Variants in VRK3 observed in about 807,000 individuals in gnomAD.
The protein encoded by VRK3 is VRK serine/threonine kinase 3.
A neutral mutation model predicts 60.4 loss-of-function variants in VRK3; 50 were observed. That is an observed-to-expected ratio of 0.83 (90% confidence interval 0.66 to 1.05). The LOEUF (loss-of-function observed/expected upper bound fraction) is 1.05, where lower values mean the gene tolerates loss of function less well. Ranked by LOEUF, VRK3 falls within the 50% of genes least tolerant of loss-of-function variation. The probability of loss-of-function intolerance (pLI) is 0.00; values close to 1 mark genes in which losing one functional copy is unlikely to be tolerated. For missense variants in VRK3, 549 were observed against 585.3 expected (o/e 0.94, Z 0.64); for synonymous variants, 246 against 227.8 (o/e 1.08, Z -0.72).
intron 5 of VRK3, among the ~76,000 whole-genome samples, chr19:50,005,448 C>T (rs1228762932): frequency 6.7e-6 from 1 of 149,626 alleles, no homozygotes; most frequent in Non-Finnish European, 1.5e-5. Context: ...GAGCCCAGAG[C>T]CTAATAATTC....
At chr19:50,010,120 C>T (rs10416613) in intron 3 of VRK3, among the ~76,000 whole-genome samples, 7,944 of 152,052 alleles carry the variant, frequency 0.052, 687 homozygotes, top group African/African-American at 0.18. Context: ...CACACATACA[C>T]ATATATACAT....
chr19:49,993,021 C>A, intron 9 of VRK3, 69 bp from the exon 10 acceptor site: 3 of 1,180,466 alleles, frequency 2.5e-6, no homozygotes, highest in Non-Finnish European at 3.5e-6. Flanking sequence ...TGGTGCAGAC[C>A]AGGAGGGAGC....
intron 9 of VRK3, 52 bp downstream of exon 9, chr19:49,994,762 G>A: frequency 6.6e-7 from 1 of 1,519,814 alleles, no homozygotes; most frequent in Non-Finnish European, 9.1e-7. Context: ...GCTAAACTAG[G>A]ATGTGATGTG....
chr19:50,020,675 G>A (rs2077157300), intron 1 of VRK3, 28 bp from the exon 2 acceptor site: 1 of 152,264 alleles, frequency 6.6e-6, no homozygotes, highest in South Asian at 2.1e-4. Context: ...TGGAGAGGCT[G>A]ACTCATGCTT....
intron 10 of VRK3, among the ~76,000 whole-genome samples, chr19:49,992,227 G>C (rs1350066062): frequency 6.6e-6 from 1 of 152,188 alleles, no homozygotes; most frequent in East Asian, 1.9e-4. Context: ...GACCAACATG[G>C]AGAAACCCCA....
chr19:49,978,061 G>C (rs1194614154), intron 14 of VRK3, among the ~76,000 whole-genome samples: 1 of 151,986 alleles, frequency 6.6e-6, no homozygotes, highest in Non-Finnish European at 1.5e-5. Flanking sequence ...TGCTGTTCAA[G>C]ATGCCCTGCG....
intron 3 of VRK3, among the ~76,000 whole-genome samples, chr19:50,014,693 G>A (rs1015275009): frequency 1.3e-5 from 2 of 152,184 alleles, no homozygotes; most frequent in Non-Finnish European, 2.9e-5. Flanking sequence ...AGGCCCAGGC[G>A]TGCTGAGGTG....
At chr19:49,988,247 A>G in intron 12 of VRK3, 125 bp downstream of exon 12, 1 of 1,429,454 alleles carries the variant, frequency 7.0e-7, no homozygotes, top group Non-Finnish European at 9.4e-7. Context: ...TGCGGCTCAG[A>G]GGACTTGGGC....
At chr19:49,986,122 C>T (rs1349220669) in intron 12 of VRK3, among the ~76,000 whole-genome samples, 1 of 152,216 alleles carries the variant, frequency 6.6e-6, no homozygotes, top group Non-Finnish European at 1.5e-5. Flanking sequence ...GGATGAAATT[C>T]TGGGCATGGT....
intron 12 of VRK3, chr19:49,981,997 C>T: frequency 1.6e-6 from 1 of 641,444 alleles, no homozygotes; most frequent in Non-Finnish European, 2.8e-6. Flanking sequence ...GCGGGGCCGT[C>T]AAGTAGGCTG....
chr19:49,999,744 T>G (rs1365530249), intron 6 of VRK3: 8 of 152,248 alleles, frequency 5.3e-5, no homozygotes, highest in Admixed American at 5.2e-4. Context: ...CACCAAGTTT[T>G]GAGCCTCAGG....
At chr19:50,004,492 C>T (rs2076861270) in intron 5 of VRK3, among the ~76,000 whole-genome samples, 1 of 152,218 alleles carries the variant, frequency 6.6e-6, no homozygotes, top group South Asian at 2.1e-4. Context: ...CCCAGCTCTA[C>T]TACTTCCAGG....
chr19:49,979,696 G>A (rs1163287685), intron 13 of VRK3, among the ~76,000 whole-genome samples: 1 of 152,204 alleles, frequency 6.6e-6, no homozygotes, highest in Admixed American at 6.5e-5. Context: ...CACAGAGGTA[G>A]AACTGGAGGG....
At chr19:50,017,540 C>T (rs1001981043) in intron 2 of VRK3, among the ~76,000 whole-genome samples, 3 of 132,626 alleles carry the variant, frequency 2.3e-5, no homozygotes, top group Non-Finnish European at 3.1e-5. Flanking sequence ...CACCATCACA[C>T]TCCAGCCTGG....
In VRK3 at chr19:50,000,796, G is replaced by C; in HGVS notation, c.606C>G (p.Leu202=). Residue 202 remains leucine, a synonymous_variant, in exon 6 of 15, where the codon CTC becomes CTG. Coordinates refer to ENST00000316763, the MANE Select transcript of VRK3 (RefSeq NM_016440.4). ...DSGPQKQKFS[L]KLDAKDGRLF... is the part of the protein sequence containing the mutation. ...CACCTGCAGGGTCACTTACCAGTTT[G>C]AGTGAGAACTTTTGCTTCTGTGGTC... is the stretch of plus-strand genomic sequence containing the variant. 6.2e-7 allele frequency: 1 copy of C among 1,613,372 alleles called. No individual in the cohort carries two copies. The highest frequency in any genetic ancestry group is 1.7e-4 in the Middle Eastern group (1 of 6,058).
chr19:50,009,148 G>A (rs937048410), intron 4 of VRK3, 88 bp downstream of exon 4: 32 of 1,460,722 alleles, frequency 2.2e-5, no homozygotes, highest in Middle Eastern at 1.8e-4. Context: ...TGTTTGAGCC[G>A]GGGCTGTGGC....
At chr19:50,014,297 G>A (rs921856792) in intron 3 of VRK3, among the ~76,000 whole-genome samples, 2 of 151,758 alleles carry the variant, frequency 1.3e-5, no homozygotes, top group Admixed American at 6.6e-5. Context: ...GGTGGCTCAC[G>A]TCTGTAATGC....
chr19:49,978,831 T>G, intron 14 of VRK3: 1 of 382,824 alleles, frequency 2.6e-6, no homozygotes, highest in Non-Finnish European at 4.7e-6. Context: ...AAGCTCCCCC[T>G]TGTAATTTTC....
At chr19:49,982,255 T>C (rs2076436727) in intron 12 of VRK3, 2 of 701,848 alleles carry the variant, frequency 2.8e-6, no homozygotes, top group Non-Finnish European at 2.6e-6. Flanking sequence ...TGAACAAAGC[T>C]GATAAAACAC....
Sources: allele counts gnomAD v4.1 joint callset (sites outside exome capture counted in the v4.1 genomes callset), GRCh38; gene constraint gnomAD v4.1.1; transcripts MANE v1.5; gene names NCBI Gene and HGNC (gene_info 2026-07-23, HGNC 2026-07-21).